The following DERL1 variants were observed in gnomAD, a reference collection of about 807,000 sequenced individuals.
The protein encoded by DERL1 is derlin 1.
In DERL1, 24 loss-of-function variants were observed where a neutral mutation model predicts 41.6. The ratio of observed to expected loss-of-function variants is 0.58; its 90% confidence interval spans 0.42 to 0.81. DERL1 has a LOEUF of 0.81. Among genes scored for constraint, DERL1 ranks in the 30% least tolerant of loss-of-function variants. The pLI is 0.00. For synonymous variants in DERL1, 124 were observed against 112.5 expected, an observed-to-expected ratio of 1.10 and a Z score of -0.65; for missense variants, 260 against 314.3, an observed-to-expected ratio of 0.83 and a Z score of 1.31.
chr8:123,029,019 GACTGTGCC>G (rs770641009), intron 2 of DERL1, among the ~76,000 whole-genome samples: 3 of 151,856 alleles, frequency 2.0e-5, no homozygotes, highest in Non-Finnish European at 4.4e-5. Flanking sequence ...AGGGAGCCAT[GACTGTGCC>G]ACTATACTCC....
intron 1 of DERL1, among the ~76,000 whole-genome samples, chr8:123,037,716 TGACTC>T (rs1361650419): frequency 6.6e-6 from 1 of 152,212 alleles, no homozygotes. Context: ...GAACTATCCT[TGACTC>T]AACGAAATAG....
Position 123,042,240 on chromosome 8 carries a change from A to G in DERL1, c.-118T>C. 3.8e-6 allele frequency: 5 copies of G among 1,323,960 alleles called. No individual in the cohort carries two copies. Among genetic ancestry groups the G allele is most frequent in the Non-Finnish European group, 3.0e-6 (3 of 1,012,076 alleles). The allele number at this position is 1,323,960 out of a possible 1,614,324, so 82.0% of individuals were successfully genotyped here. Reference sequence around the variant, plus strand: ...CTAGGTGGAAGCCGCCGAAGCCGCGATGCAGAAGGCGGAGACGGGCGGACG... The same window carrying G: ...CTAGGTGGAAGCCGCCGAAGCCGCGGTGCAGAAGGCGGAGACGGGCGGACG... On this transcript the variant is annotated 5_prime_UTR_variant, in exon 1 of 8. Coordinates refer to ENST00000259512, the MANE Select transcript of DERL1 (RefSeq NM_024295.6).
chr8:123,034,943 G>GA (rs1812893500), intron 1 of DERL1, among the ~76,000 whole-genome samples: 1 of 152,198 alleles, frequency 6.6e-6, no homozygotes, highest in African/African-American at 2.4e-5. Context: ...TTAAGAAAGT[G>GA]AATTAAAAAG....
At chr8:123,019,123 T>A (rs369006286) in intron 7 of DERL1, 72 bp downstream of exon 7, 1 of 1,056,680 alleles carries the variant, frequency 9.5e-7, no homozygotes, top group Non-Finnish European at 1.5e-6. Context: ...ATACTCCTCA[T>A]GGAGCTCTCA....
chr8:123,024,841 T>C (rs534757941), intron 3 of DERL1, 145 bp downstream of exon 3: 1 of 813,908 alleles, frequency 1.2e-6, no homozygotes, highest in African/African-American at 1.8e-5. Flanking sequence ...CAGTTTTTTT[T>C]AAAAAACTAT....
intron 2 of DERL1, among the ~76,000 whole-genome samples, 162 bp from the exon 3 acceptor site, chr8:123,025,212 G>A (rs73711624): frequency 0.012 from 1,831 of 152,196 alleles, 33 homozygotes; most frequent in African/African-American, 0.042. Context: ...TCTAAACAAC[G>A]TCCCCAATAA....
chr8:123,026,131 A>C (rs1237149344), intron 2 of DERL1, among the ~76,000 whole-genome samples: 1 of 152,176 alleles, frequency 6.6e-6, no homozygotes, highest in Admixed American at 6.5e-5. Context: ...AAAAAGATAT[A>C]ATTAAAAGAA....
chr8:123,033,035 T>G (rs1414180755), intron 1 of DERL1, among the ~76,000 whole-genome samples: 1 of 151,972 alleles, frequency 6.6e-6, no homozygotes, highest in African/African-American at 2.4e-5. Flanking sequence ...TAATTTTGTT[T>G]GTTTGTTTTT....
At chr8:123,030,422 T>G in intron 2 of DERL1, 183 bp downstream of exon 2, 1 of 497,980 alleles carries the variant, frequency 2.0e-6, no homozygotes, top group Non-Finnish European at 3.5e-6. Flanking sequence ...CTCAGGATGT[T>G]GTGAGGATTA....
At chr8:123,022,055 A>C (rs1812560120) in intron 5 of DERL1, among the ~76,000 whole-genome samples, 1 of 152,240 alleles carries the variant, frequency 6.6e-6, no homozygotes, top group Admixed American at 6.5e-5. Flanking sequence ...CCAAGAGCTA[A>C]AGGAGTTGCA....
At chr8:123,041,513 T>C (rs575335455) in intron 1 of DERL1, among the ~76,000 whole-genome samples, 1 of 152,206 alleles carries the variant, frequency 6.6e-6, no homozygotes, top group Non-Finnish European at 1.5e-5. Context: ...ATCACTCCTA[T>C]AGGAAAACCA....
intron 7 of DERL1, chr8:123,016,708 C>G (rs1159550920): frequency 6.6e-6 from 1 of 152,270 alleles, no homozygotes. Context: ...GTTCCAGAGC[C>G]TGCGCCCTGC....
intron 1 of DERL1, among the ~76,000 whole-genome samples, chr8:123,037,827 G>T (rs998249886): frequency 2.0e-5 from 3 of 152,124 alleles, no homozygotes; most frequent in Non-Finnish European, 4.4e-5. Context: ...GTTGTAACAG[G>T]GTGATGTTAT....
chr8:123,021,297 T>G (rs993162917), intron 6 of DERL1, 150 bp downstream of exon 6: 12 of 717,984 alleles, frequency 1.7e-5, no homozygotes, highest in Non-Finnish European at 2.6e-5. Context: ...TCTAATCAAT[T>G]CAATCGAAGT....
At chr8:123,038,287 A>G (rs1446886070) in intron 1 of DERL1, among the ~76,000 whole-genome samples, 1 of 152,230 alleles carries the variant, frequency 6.6e-6, no homozygotes, top group Non-Finnish European at 1.5e-5. Context: ...CACACCGCAC[A>G]CTGTCCGTGC....
At chr8:123,027,801 C>A (rs999315719) in intron 2 of DERL1, among the ~76,000 whole-genome samples, 2 of 152,150 alleles carry the variant, frequency 1.3e-5, no homozygotes, top group Non-Finnish European at 2.9e-5. Context: ...GTGGCTCACG[C>A]CTGTAATCCC....
rs200724608 is a variant in DERL1 at position 123,032,863 on chromosome 8, C to CT, written c.154-2148dup. Among the ~76,000 whole-genome samples, 1,118 of 122,040 alleles carry CT rather than the reference C, an allele frequency of 9.2e-3. 12 individuals carry two copies. The highest frequency in any genetic ancestry group is 0.023 in the African/African-American group (692 of 30,342). 80.1% of individuals were successfully genotyped at this position (122,040 alleles called of 152,430 possible). ...ATCAAGTTATTTTAATTTCTATTTT[C>CT]TTTTTTTTTTTTTTTTTTGAGACAA... On this transcript the variant is annotated intron_variant, in intron 1 of 7. Coordinates refer to ENST00000259512, the MANE Select transcript of DERL1 (RefSeq NM_024295.6).
chr8:123,027,833 A>G (rs1812735510), intron 2 of DERL1, among the ~76,000 whole-genome samples: 1 of 152,124 alleles, frequency 6.6e-6, no homozygotes, highest in South Asian at 2.1e-4. Flanking sequence ...AGGCTGAGGC[A>G]GGTGGATTAC....
intron 1 of DERL1, among the ~76,000 whole-genome samples, chr8:123,033,051 C>T (rs1178694223): frequency 6.6e-6 from 1 of 151,666 alleles, no homozygotes; most frequent in African/African-American, 2.4e-5. Flanking sequence ...TTTTTTGAGA[C>T]GGGCTCTTCC....
Sources: gnomAD v4.1 joint callset for allele counts (sites outside exome capture counted in the v4.1 genomes callset) on GRCh38, gnomAD v4.1.1 for gene constraint, MANE v1.5 for transcripts, NCBI Gene and HGNC (gene_info 2026-07-23, HGNC 2026-07-21) for gene names.